The following GPC5 variants were observed in gnomAD, a reference collection of about 807,000 sequenced individuals.
GPC5 encodes glypican-5.
A neutral mutation model predicts 53.9 loss-of-function variants in GPC5; 47 were observed. The ratio of observed to expected loss-of-function variants is 0.87; its 90% CI spans 0.69 to 1.11. The LOEUF is 1.11. Ranked by LOEUF, GPC5 falls within the 50% of genes most tolerant of loss-of-function variation. The pLI is 0.00. For synonymous variants in GPC5, 286 were observed against 263.3 expected (o/e 1.09, Z -0.84); for missense variants, 748 against 713.1 (o/e 1.05, Z -0.56).
At chr13:91,481,224 C>G (rs967058015) in intron 2 of GPC5, among the ~76,000 whole-genome samples, 1 of 152,072 alleles carries the variant, frequency 6.6e-6, no homozygotes, top group African/African-American at 2.4e-5. Context: ...CTGTGGTCCC[C>G]AAATCTCTTT....
chr13:92,579,322 C>CCT (rs911678107), intron 7 of GPC5, among the ~76,000 whole-genome samples: 2,359 of 95,870 alleles, frequency 0.025, 161 homozygotes, highest in African/African-American at 0.084. Context: ...TCCCTCCCTC[C>CCT]CTCTCTCTCT....
intron 2 of GPC5, among the ~76,000 whole-genome samples, chr13:91,474,351 C>G (rs1384766572): frequency 6.6e-6 from 1 of 152,064 alleles, no homozygotes; most frequent in Non-Finnish European, 1.5e-5. Context: ...ATTAGCTAAA[C>G]TATTAACTTG....
intron 7 of GPC5, among the ~76,000 whole-genome samples, chr13:92,285,242 G>A (rs1322861296): frequency 6.6e-6 from 1 of 152,058 alleles, no homozygotes; most frequent in Non-Finnish European, 1.5e-5. Context: ...AATAAAAGAA[G>A]ACACAAAGAA....
At chr13:92,152,454 T>C (rs2041913792) in intron 7 of GPC5, among the ~76,000 whole-genome samples, 1 of 152,142 alleles carries the variant, frequency 6.6e-6, no homozygotes, top group South Asian at 2.1e-4. Flanking sequence ...CACCTGTCCA[T>C]TGAAATAAAA....
At chr13:92,008,084 A>C (rs1233311764) in intron 6 of GPC5, among the ~76,000 whole-genome samples, 6 of 133,032 alleles carry the variant, frequency 4.5e-5, no homozygotes, top group African/African-American at 1.6e-4. Context: ...TTTTTTTGAG[A>C]CGGAGTCTCG....
chr13:91,917,743 C>T (rs1184637942), intron 6 of GPC5, among the ~76,000 whole-genome samples: 2 of 152,198 alleles, frequency 1.3e-5, no homozygotes, highest in African/African-American at 4.8e-5. Context: ...TACTCCAGTT[C>T]CCAACAAGTT....
At chr13:92,323,538 A>T (rs2043230079) in intron 7 of GPC5, among the ~76,000 whole-genome samples, 1 of 151,690 alleles carries the variant, frequency 6.6e-6, no homozygotes, top group African/African-American at 2.4e-5. Context: ...GTAGGCATAT[A>T]TAATATATTT....
At chr13:92,270,227 T>C (rs2139154157) in intron 7 of GPC5, among the ~76,000 whole-genome samples, 1 of 152,282 alleles carries the variant, frequency 6.6e-6, no homozygotes. Flanking sequence ...CCATTATATA[T>C]TGATAAGATT....
chr13:92,297,304 C>A (rs2043043650), intron 7 of GPC5, among the ~76,000 whole-genome samples: 1 of 149,822 alleles, frequency 6.7e-6, no homozygotes, highest in South Asian at 2.1e-4. Context: ...TGTAAATATA[C>A]CAATCGGCAC....
intron 5 of GPC5, among the ~76,000 whole-genome samples, chr13:91,886,779 GTCACAGTGA>G (rs2039327324): frequency 6.6e-6 from 1 of 152,214 alleles, no homozygotes; most frequent in Non-Finnish European, 1.5e-5. Context: ...TTACATGCAA[GTCACAGTGA>G]TCCAAGTGGT....
intron 7 of GPC5, among the ~76,000 whole-genome samples, chr13:92,247,537 G>T (rs182490877): frequency 6.6e-6 from 1 of 152,186 alleles, no homozygotes; most frequent in East Asian, 1.9e-4. Context: ...ACAGTAAATA[G>T]AAATTCTTTA....
chr13:91,732,697 T>C (rs1178850786), intron 4 of GPC5, among the ~76,000 whole-genome samples: 9 of 152,212 alleles, frequency 5.9e-5, no homozygotes, highest in African/African-American at 9.6e-5. Flanking sequence ...TTAATTTTTA[T>C]ATAGGGTGTA....
intron 7 of GPC5, among the ~76,000 whole-genome samples, chr13:92,398,566 CTTTG>C (rs1352050719): frequency 6.6e-6 from 1 of 151,234 alleles, no homozygotes; most frequent in Non-Finnish European, 1.5e-5. Flanking sequence ...GAATAATATT[CTTTG>C]TTTATCACAG....
intron 5 of GPC5, among the ~76,000 whole-genome samples, chr13:91,878,054 T>C (rs1180017457): frequency 6.6e-6 from 1 of 152,150 alleles, no homozygotes; most frequent in Non-Finnish European, 1.5e-5. Flanking sequence ...GAGGCCTCCC[T>C]AGCTATGTGG....
In GPC5 at chr13:92,243,819, C is replaced by A. The variant is rs118076149; in HGVS notation, c.1561+98830C>A. 4.3e-4 allele frequency among the ~76,000 whole-genome samples: 66 copies of A among 151,908 alleles called. No individual in the cohort carries two copies. In the East Asian group the frequency reaches 8.9e-3, roughly 21 times the overall value. On this transcript the variant is annotated intron_variant, in intron 7 of 7. Transcript: ENST00000377067. ...TTTAAAACCTGAGAGTAGATCTGTG[C>A]ATGTAAGGAAAGAGTACAGCTAAAG...
intron 7 of GPC5, among the ~76,000 whole-genome samples, chr13:92,312,018 T>A (rs535427259): frequency 6.6e-6 from 1 of 152,242 alleles, no homozygotes; most frequent in South Asian, 2.1e-4. Flanking sequence ...GAGAACGGAA[T>A]AAGTCAGATG....
At chr13:92,413,122 G>A (rs897490877) in intron 7 of GPC5, among the ~76,000 whole-genome samples, 1 of 152,168 alleles carries the variant, frequency 6.6e-6, no homozygotes, top group Non-Finnish European at 1.5e-5. Flanking sequence ...CAGGAAGTTT[G>A]AGTGACTTGC....
In GPC5 at chr13:92,381,841, G is replaced by A. The variant is rs1157786400; in HGVS notation, c.1561+236852G>A. On this transcript the variant is annotated intron_variant, in intron 7 of 7. Transcript: ENST00000377067. ...CATATATAATCATATATATTATATT[G>A]TATATGATCATATATGATTATATAT... Among the ~76,000 whole-genome samples the A allele has an allele frequency of 9.5e-5, 6 of 62,956 alleles. No individual in the cohort carries two copies. In the East Asian group the frequency reaches 3.4e-3, roughly 35 times the overall value. 41.3% of individuals were successfully genotyped at this position (62,956 alleles called of 152,430 possible).
At chr13:92,153,640 A>G (rs2041922798) in intron 7 of GPC5, among the ~76,000 whole-genome samples, 2 of 152,202 alleles carry the variant, frequency 1.3e-5, no homozygotes. Flanking sequence ...GTAGCAGGGC[A>G]GTGCCACAAA....
Sources: gnomAD v4.1 joint callset for allele counts (sites outside exome capture counted in the v4.1 genomes callset) on GRCh38, gnomAD v4.1.1 for gene constraint, MANE v1.5 for transcripts, NCBI Gene and HGNC (gene_info 2026-07-23, HGNC 2026-07-21) for gene names.